The following FIG4 variants were observed in gnomAD, a reference collection of about 807,000 sequenced individuals.
FIG4 encodes FIG4 phosphoinositide 5-phosphatase.
In FIG4, 112 loss-of-function variants were observed where a neutral mutation model predicts 118.6. The observed-to-expected ratio is 0.94, with a 90% confidence interval of 0.81 to 1.11. The LOEUF is 1.11. FIG4 is among the 50% of genes least tolerant of loss of function. The pLI is 0.00. For synonymous variants in FIG4, 369 were observed against 381.2 expected, an observed-to-expected ratio of 0.97 and a Z score of 0.37; for missense variants, 969 against 1,111.7, an observed-to-expected ratio of 0.87 and a Z score of 1.83.
intron 10 of FIG4, among the ~76,000 whole-genome samples, chr6:109,758,081 G>A (rs1413045724): frequency 6.6e-6 from 1 of 152,122 alleles, no homozygotes; most frequent in Non-Finnish European, 1.5e-5. Context: ...AGCTACCATT[G>A]ACTTTCTTCA....
intron 22 of FIG4, among the ~76,000 whole-genome samples, chr6:109,807,667 C>T (rs1268890901): frequency 1.3e-5 from 2 of 152,074 alleles, no homozygotes; most frequent in Non-Finnish European, 2.9e-5. Flanking sequence ...GTGTTTTAGT[C>T]CTGAAGTGTT....
At chr6:109,741,344 A>G (rs2128386614) in intron 7 of FIG4, 100 bp from the exon 8 acceptor site, 1 of 830,110 alleles carries the variant, frequency 1.2e-6, no homozygotes, top group Non-Finnish European at 2.1e-6. Flanking sequence ...TCTTTAAGCC[A>G]TTGGACAAGC....
rs187504807 is a variant in FIG4, at chr6:109,765,294, A to T, written c.1583+133A>T. The T allele has an allele frequency of 4.4e-4, 330 of 746,860 alleles. 1 individual carries two copies. In the African/African-American group the frequency reaches 4.8e-3, roughly 11 times the overall value. 46.3% of individuals were successfully genotyped at this position (746,860 alleles called of 1,614,324 possible). A position where few individuals can be genotyped will look rare whatever the true frequency, so the allele number is the denominator to read the frequency against. On this transcript the variant is annotated intron_variant, in intron 14 of 22. Coordinates refer to ENST00000230124, the MANE Select transcript of FIG4 (RefSeq NM_014845.6). Reference sequence around the variant, plus strand: ...TATGTTGCTAGAAAACATTATTCAAACTCGTTCTGTTTTTCTTATATTTTC... The same window carrying T: ...TATGTTGCTAGAAAACATTATTCAATCTCGTTCTGTTTTTCTTATATTTTC...
chr6:109,726,735 A>T (rs556777738), intron 3 of FIG4, among the ~76,000 whole-genome samples: 1 of 152,208 alleles, frequency 6.6e-6, no homozygotes, highest in African/African-American at 2.4e-5. Context: ...CTTCTTATCC[A>T]TGAGCATAGA....
At position 109,776,953 on chromosome 6, in the gene FIG4, C is replaced by T. The variant is rs766427893; in HGVS notation, c.1782C>T (p.Phe594=). The change falls in exon 16 of 23, where the codon TTC becomes TTT. Residue 594 remains phenylalanine (F), a synonymous_variant. Coordinates refer to ENST00000230124, the MANE Select transcript of FIG4 (RefSeq NM_014845.6). ...DADRQDSINL[F]LGVFHPTEGK... ...ATAGACAAGATTCCATTAATCTCTT[C>T]CTGGGAGTTTTCCATCCCACTGAAG... 8.1e-6 allele frequency: 13 copies of T among 1,613,308 alleles called. No homozygotes were observed.
At chr6:109,793,136 C>T (rs533785937) in intron 21 of FIG4, among the ~76,000 whole-genome samples, 2 of 152,256 alleles carry the variant, frequency 1.3e-5, no homozygotes, top group African/African-American at 4.8e-5. Flanking sequence ...GAGACTCTGC[C>T]CCTCAATGAT....
rs765278422 is a variant in FIG4, at chr6:109,791,547, A to G, written c.2352A>G (p.Ala784=). 25 of 1,613,856 alleles carry G rather than the reference A, an allele frequency of 1.5e-5. 1 individual carries two copies. Among genetic ancestry groups the G allele is most frequent in the Non-Finnish European group, 3.4e-6 (4 of 1,180,002 alleles). ...QRSTPVKMTD[A]GDSAKVTENV... Reference sequence around the variant, plus strand: ...CCACTCCCGTGAAGATGACTGATGCAGGAGACAGTGCCAAAGTGACCGAGG... The same window carrying G: ...CCACTCCCGTGAAGATGACTGATGCGGGAGACAGTGCCAAAGTGACCGAGG... The change falls in exon 20 of 23, where the codon GCA becomes GCG. Residue 784 remains alanine (A), a synonymous_variant. Transcript: ENST00000230124.
chr6:109,795,926 C>A (rs576088521), intron 21 of FIG4, among the ~76,000 whole-genome samples: 1 of 152,254 alleles, frequency 6.6e-6, no homozygotes, highest in South Asian at 2.1e-4. Context: ...CAGACCTGCC[C>A]TGTAACCTCC....
intron 22 of FIG4, among the ~76,000 whole-genome samples, chr6:109,808,267 C>G (rs1583763435): frequency 6.8e-6 from 1 of 146,556 alleles, no homozygotes; most frequent in East Asian, 2.1e-4. Context: ...TTCCAAGACC[C>G]TTTCATTGGG....
intron 10 of FIG4, among the ~76,000 whole-genome samples, chr6:109,748,333 G>A (rs1053548329): frequency 2.6e-5 from 4 of 152,114 alleles, no homozygotes; most frequent in Non-Finnish European, 5.9e-5. Flanking sequence ...AGGCATTTTG[G>A]ATTTTGGCAA....
rs973402877 is a variant in FIG4, at chr6:109,692,862, G to A, written c.66+1361G>A. Among the ~76,000 whole-genome samples the A allele has an allele frequency of 3.9e-4, 59 of 152,106 alleles. 1 individual carries two copies. Among genetic ancestry groups the A allele is most frequent in the African/African-American group, 1.3e-3 (56 of 41,490 alleles). ...ATTACAGGAATGTGACACCATGACC[G>A]GCTAATTCTTGTGTTTTTAATAAAA... On this transcript the variant is annotated intron_variant, in intron 1 of 22. Transcript: ENST00000230124.
intron 19 of FIG4, among the ~76,000 whole-genome samples, chr6:109,789,932 G>T (rs1033956045): frequency 6.6e-6 from 1 of 152,096 alleles, no homozygotes; most frequent in Non-Finnish European, 1.5e-5. Flanking sequence ...AAATAACTCA[G>T]CATTCTCTGT....
chr6:109,730,090 C>T (rs1398002415), intron 4 of FIG4, among the ~76,000 whole-genome samples: 1 of 151,652 alleles, frequency 6.6e-6, no homozygotes, highest in African/African-American at 2.4e-5. Flanking sequence ...ACTCTGTTAC[C>T]CAGGCTGGAG....
intron 21 of FIG4, among the ~76,000 whole-genome samples, chr6:109,794,289 C>T (rs1187468506): frequency 1.3e-5 from 2 of 152,170 alleles, no homozygotes; most frequent in Non-Finnish European, 2.9e-5. Context: ...AGTGCCTTAT[C>T]CAGGAGTCAT....
intron 10 of FIG4, among the ~76,000 whole-genome samples, chr6:109,751,178 AAATT>A (rs1478288587): frequency 6.6e-6 from 1 of 152,132 alleles, no homozygotes; most frequent in Non-Finnish European, 1.5e-5. Flanking sequence ...CACTATTGTG[AAATT>A]AATTGTTTTT....
At chr6:109,747,029 G>T (rs562797347) in intron 10 of FIG4, among the ~76,000 whole-genome samples, 1 of 152,094 alleles carries the variant, frequency 6.6e-6, no homozygotes, top group Non-Finnish European at 1.5e-5. Flanking sequence ...GACTGGGTTT[G>T]TTGGGGGAAG....
intron 9 of FIG4, 187 bp from the exon 10 acceptor site, chr6:109,743,488 A>G: frequency 3.0e-6 from 2 of 664,102 alleles, no homozygotes; most frequent in South Asian, 3.5e-5. Context: ...TCAGAAATGT[A>G]AGAATCATTC....
intron 7 of FIG4, among the ~76,000 whole-genome samples, chr6:109,740,278 T>C (rs547367703): frequency 9.8e-5 from 15 of 152,304 alleles, no homozygotes; most frequent in African/African-American, 3.4e-4. Context: ...TTTAAAATAG[T>C]GAGCACCATG....
At chr6:109,753,662 C>T (rs1776785159) in intron 10 of FIG4, among the ~76,000 whole-genome samples, 1 of 151,988 alleles carries the variant, frequency 6.6e-6, no homozygotes, top group African/African-American at 2.4e-5. Flanking sequence ...CCTTCACATC[C>T]CTTGTAAGTT....
Sources: allele counts gnomAD v4.1 joint callset (sites outside exome capture counted in the v4.1 genomes callset), GRCh38; gene constraint gnomAD v4.1.1; transcripts MANE v1.5; gene names NCBI Gene and HGNC (gene_info 2026-07-23, HGNC 2026-07-21).